SLC14A2: variants seen among roughly 807,000 people sequenced by gnomAD.
The protein encoded by SLC14A2 is solute carrier family 14 member 2.
A neutral mutation model predicts 104.6 loss-of-function variants in SLC14A2; 91 were observed. That is an observed-to-expected ratio of 0.87 (90% confidence interval 0.73 to 1.04). The LOEUF (loss-of-function observed/expected upper bound fraction) is 1.04, where lower values mean the gene tolerates loss of function less well. SLC14A2 is among the 50% of genes least tolerant of loss of function. The pLI, the probability that SLC14A2 is intolerant of heterozygous loss-of-function variation, is 0.00. For missense variants in SLC14A2, 1,189 were observed against 1,156.0 expected, an observed-to-expected ratio of 1.03 and a Z score of -0.41; for synonymous variants, 476 against 466.4, an observed-to-expected ratio of 1.02 and a Z score of -0.27.
At chr18:45,216,008 C>A (rs532601278) in intron 1 of SLC14A2, among the ~76,000 whole-genome samples, 4 of 152,306 alleles carry the variant, frequency 2.6e-5, no homozygotes, top group Non-Finnish European at 5.9e-5. Flanking sequence ...CTCCAGGAAA[C>A]TCTAGCCTGC....
the SLC14A2 span, among the ~76,000 whole-genome samples, chr18:45,197,003 A>T: frequency 1.3e-5 from 2 of 152,224 alleles, no homozygotes; most frequent in Non-Finnish European, 2.9e-5. Flanking sequence ...TAATGTTGGG[A>T]TCACTACGAA....
chr18:45,494,213 T>C (rs16978384), intron 2 of SLC14A2, among the ~76,000 whole-genome samples: 2 of 152,134 alleles, frequency 1.3e-5, no homozygotes, highest in Admixed American at 6.5e-5. Flanking sequence ...ATCTGGACAG[T>C]TGAATTCTAC....
chr18:45,183,728 CTTTCTTTCT>C, the SLC14A2 span, among the ~76,000 whole-genome samples: 2 of 148,924 alleles, frequency 1.3e-5, no homozygotes, highest in Admixed American at 6.7e-5. Context: ...TTCTTTCTCT[CTTTCTTTCT>C]TTTCTTTCTT....
intron 2 of SLC14A2, among the ~76,000 whole-genome samples, chr18:45,572,705 G>A (rs779480881): frequency 2.0e-5 from 3 of 152,142 alleles, no homozygotes; most frequent in Non-Finnish European, 4.4e-5. Context: ...TGAGGTTATT[G>A]TCATCGTATA....
chr18:45,473,855 T>C (rs551541072), intron 1 of SLC14A2, among the ~76,000 whole-genome samples: 2 of 152,304 alleles, frequency 1.3e-5, no homozygotes, highest in African/African-American at 4.8e-5. Flanking sequence ...CTCTTCCTAT[T>C]TGAATATCCT....
At chr18:45,359,322 C>T (rs891320094) in intron 1 of SLC14A2, among the ~76,000 whole-genome samples, 6 of 152,160 alleles carry the variant, frequency 3.9e-5, no homozygotes, top group South Asian at 2.1e-4. Flanking sequence ...CAGGCCCCCC[C>T]GTCTAGCGTT....
chr18:45,299,279 G>A (rs2084944858), intron 1 of SLC14A2, among the ~76,000 whole-genome samples: 1 of 152,204 alleles, frequency 6.6e-6, no homozygotes, highest in South Asian at 2.1e-4. Flanking sequence ...AGTTTCTAAT[G>A]TTCTATGTAA....
chr18:45,626,607 C>T (rs2045260412), intron 3 of SLC14A2, among the ~76,000 whole-genome samples: 1 of 151,768 alleles, frequency 6.6e-6, no homozygotes, highest in Non-Finnish European at 1.5e-5. Context: ...CACCCCCCCA[C>T]CTTCCCCACC....
intron 2 of SLC14A2, chr18:45,528,178 T>C (rs1438536407): frequency 6.5e-5 from 1 of 15,376 alleles, no homozygotes; most frequent in African/African-American, 1.4e-4. Context: ...TGTGTGTGTG[T>C]GTGCGGGGGG....
chr18:45,263,523 A>G (rs1041144284), intron 1 of SLC14A2, among the ~76,000 whole-genome samples: 4 of 152,148 alleles, frequency 2.6e-5, no homozygotes, highest in Non-Finnish European at 5.9e-5. Flanking sequence ...TTCATCTACA[A>G]ATTTTAGCAC....
chr18:45,240,519 C>A lies in SLC14A2; in HGVS notation c.-125+27328C>A, dbSNP rs114614680. On this transcript the variant is annotated intron_variant, in intron 1 of 20. Transcript: ENST00000586448. Reference sequence around the variant, plus strand: ...GAGAAACCTCTATACCGAAACATCCCCTTTTAGATCTTCTATGTTCTAAAT... The same window carrying A: ...GAGAAACCTCTATACCGAAACATCCACTTTTAGATCTTCTATGTTCTAAAT... Among the ~76,000 whole-genome samples the A allele has an allele frequency of 6.4e-3, 967 of 152,154 alleles. 20 individuals are homozygous for A. Among genetic ancestry groups the A allele is most frequent in the African/African-American group, 0.022 (916 of 41,502 alleles).
chr18:45,661,618 G>A (rs2045937784), intron 10 of SLC14A2, among the ~76,000 whole-genome samples: 3 of 152,172 alleles, frequency 2.0e-5, no homozygotes, highest in Admixed American at 1.3e-4. Context: ...ATTCAGTTCT[G>A]AGTTTATGAT....
Position 45,495,069 on chromosome 18 carries a change from A to G in SLC14A2, c.-35+11747A>G, listed in dbSNP as rs116900535. On this transcript the variant is annotated intron_variant, in intron 2 of 20. Transcript: ENST00000586448. ...CTTCATATTTCCTCACTTGGATCCT[A>G]GATTCCCCTAAATTGTGGATCTCTG... Among the ~76,000 whole-genome samples the G allele has an allele frequency of 1.5e-4, 23 of 152,216 alleles. No homozygotes were observed. The East Asian group carries it at 1.7e-3, about 12-fold the overall frequency.
At chr18:45,557,548 AC>A (rs1168203195) in intron 2 of SLC14A2, among the ~76,000 whole-genome samples, 3 of 151,618 alleles carry the variant, frequency 2.0e-5, no homozygotes, top group African/African-American at 7.3e-5. Flanking sequence ...TTCTCCTCTC[AC>A]CTCCCAAAAA....
rs147203851 is a variant in SLC14A2, at chr18:45,603,103, G to C, written c.-34-21528G>C. ...TGGGATAGAGTGGTATTGAGCAGAT[G>C]TGTCAGCTTGCTGAACAAGCAGGGA... On this transcript the variant is annotated intron_variant, in intron 2 of 20. Transcript: ENST00000586448. 2.5e-3 allele frequency among the ~76,000 whole-genome samples: 387 copies of C among 152,150 alleles called. 3 individuals carry two copies. Among genetic ancestry groups the C allele is most frequent in the African/African-American group, 9.0e-3 (372 of 41,494 alleles).
intron 10 of SLC14A2, among the ~76,000 whole-genome samples, chr18:45,656,078 T>C (rs373413685): frequency 1.3e-5 from 2 of 152,324 alleles, no homozygotes. Flanking sequence ...TTTCATTAGA[T>C]TGGAATGTAT....
chr18:45,534,992 T>A (rs2043758039), intron 2 of SLC14A2, among the ~76,000 whole-genome samples: 1 of 152,194 alleles, frequency 6.6e-6, no homozygotes, highest in Admixed American at 6.5e-5. Flanking sequence ...GTTAAATGAA[T>A]TAGCTGGTTA....
chr18:45,391,471 T>C (rs1408971882), intron 1 of SLC14A2, among the ~76,000 whole-genome samples: 1 of 152,214 alleles, frequency 6.6e-6, no homozygotes, highest in Non-Finnish European at 1.5e-5. Context: ...AAATGGTATT[T>C]CTAGTTCTAG....
chr18:45,219,958 C>T (rs762631347), intron 1 of SLC14A2, among the ~76,000 whole-genome samples: 43 of 152,232 alleles, frequency 2.8e-4, no homozygotes, highest in Admixed American at 9.2e-4. Flanking sequence ...TCCACATGGC[C>T]GATACTTGCA....
Sources: allele counts gnomAD v4.1 joint callset (sites outside exome capture counted in the v4.1 genomes callset), GRCh38; gene constraint gnomAD v4.1.1; transcripts MANE v1.5; gene names NCBI Gene and HGNC (gene_info 2026-07-23, HGNC 2026-07-21).